The following LOC400499 variants were observed in gnomAD, a reference collection of about 807,000 sequenced individuals.
the LOC400499 span, among the ~76,000 whole-genome samples, chr16:11,382,671 G>A: frequency 0.02 from 3,058 of 152,248 alleles, 58 homozygotes; most frequent in Middle Eastern, 0.12. Flanking sequence ...GAGGCTGGGC[G>A]TGGTGGCTCC....
chr16:11,490,502 A>G, the LOC400499 span, among the ~76,000 whole-genome samples: 2 of 152,126 alleles, frequency 1.3e-5, no homozygotes, highest in Non-Finnish European at 2.9e-5. Flanking sequence ...GATTGAGACA[A>G]TCCTGGCTAA....
At chr16:11,446,931 C>T in the LOC400499 span, 41 of 1,525,770 alleles carry the variant, frequency 2.7e-5, no homozygotes, top group Non-Finnish European at 3.3e-5. Flanking sequence ...GAGGGAAAAA[C>T]AGGCCAAAGC....
the LOC400499 span, among the ~76,000 whole-genome samples, chr16:11,490,505 C>G: frequency 6.6e-6 from 1 of 151,916 alleles, no homozygotes; most frequent in Non-Finnish European, 1.5e-5. Flanking sequence ...TGAGACAATC[C>G]TGGCTAATGT....
At chr16:11,457,348 C>G in the LOC400499 span, among the ~76,000 whole-genome samples, 1 of 152,032 alleles carries the variant, frequency 6.6e-6, no homozygotes, top group African/African-American at 2.4e-5. Context: ...AATCCCAGCA[C>G]TTTGGGAGGC....
the LOC400499 span, among the ~76,000 whole-genome samples, chr16:11,491,463 G>C: frequency 1.3e-5 from 2 of 152,148 alleles, no homozygotes; most frequent in African/African-American, 2.4e-5. Context: ...GAGAGGAGAA[G>C]CAACTTCTCC....
the LOC400499 span, chr16:11,500,837 TGGGA>T: frequency 2.5e-6 from 1 of 399,074 alleles, no homozygotes; most frequent in Non-Finnish European, 4.4e-6. Flanking sequence ...CTGTGGGCTG[TGGGA>T]GGAAGGCCAG....
chr16:11,448,768 G>A, the LOC400499 span: 33 of 485,502 alleles, frequency 6.8e-5, no homozygotes, highest in African/African-American at 4.4e-4. Flanking sequence ...GAAAAGGAAA[G>A]AGAAAGAGAA....
the LOC400499 span, among the ~76,000 whole-genome samples, chr16:11,389,293 G>C: frequency 6.6e-6 from 1 of 152,212 alleles, no homozygotes; most frequent in Non-Finnish European, 1.5e-5. Flanking sequence ...CTAACGTATA[G>C]CTCAGGGGTG....
chr16:11,460,730 A>G, the LOC400499 span: 1 of 1,376,536 alleles, frequency 7.3e-7, no homozygotes, highest in Non-Finnish European at 9.6e-7. Flanking sequence ...GCTTTGCTCC[A>G]CCTGTCACTC....
chr16:11,476,903 G>C, the LOC400499 span: 1 of 399,218 alleles, frequency 2.5e-6, no homozygotes. Context: ...GCCTGCCCCA[G>C]GATGCCCGCT....
chr16:11,379,875 C>A, the LOC400499 span, among the ~76,000 whole-genome samples: 13,906 of 152,298 alleles, frequency 0.091, 823 homozygotes, highest in Middle Eastern at 0.19. Flanking sequence ...TTAGAGCAAT[C>A]CATTTTAAAC....
At chr16:11,502,916 C>CTTTTT in the LOC400499 span, among the ~76,000 whole-genome samples, 21 of 51,250 alleles carry the variant, frequency 4.1e-4, no homozygotes, top group African/African-American at 1.4e-3. Context: ...ACCTGGACCA[C>CTTTTT]CTTTTTTTTT....
chr16:11,409,217 C>T, the LOC400499 span, among the ~76,000 whole-genome samples: 1 of 151,786 alleles, frequency 6.6e-6, no homozygotes, highest in African/African-American at 2.4e-5. Context: ...GTCGAGATCA[C>T]GCCTCTGCAC....
chr16:11,385,109 A>G, the LOC400499 span: 1 of 1,231,886 alleles, frequency 8.1e-7, no homozygotes, highest in Non-Finnish European at 1.0e-6. Flanking sequence ...ACCCACAGCC[A>G]GGTGACAAGC....
At chr16:11,392,526 G>A in the LOC400499 span, 4 of 399,102 alleles carry the variant, frequency 1.0e-5, no homozygotes, top group Non-Finnish European at 1.8e-5. Flanking sequence ...GGACCTGCTG[G>A]TGCCCCCACC....
chr16:11,508,455 C>A, the LOC400499 span, among the ~76,000 whole-genome samples: 17 of 152,240 alleles, frequency 1.1e-4, no homozygotes, highest in African/African-American at 4.1e-4. Context: ...GTTGTGTGCT[C>A]GTAGACAGAC....
At chr16:11,418,479 G>T in the LOC400499 span, among the ~76,000 whole-genome samples, 1 of 152,176 alleles carries the variant, frequency 6.6e-6, no homozygotes, top group Non-Finnish European at 1.5e-5. Flanking sequence ...ACTCCCACCA[G>T]CACCATGACA....
chr16:11,378,409 G>A, the LOC400499 span, among the ~76,000 whole-genome samples: 2 of 151,942 alleles, frequency 1.3e-5, no homozygotes, highest in African/African-American at 4.8e-5. Context: ...GATTACAGGC[G>A]CCTGCCACCA....
the LOC400499 span, among the ~76,000 whole-genome samples, chr16:11,413,631 C>A: frequency 6.6e-6 from 1 of 152,160 alleles, no homozygotes; most frequent in Non-Finnish European, 1.5e-5. Flanking sequence ...TGCTAACTTG[C>A]TAGGTGACCT....
Sources: allele counts gnomAD v4.1 joint callset (sites outside exome capture counted in the v4.1 genomes callset), GRCh38; gene constraint gnomAD v4.1.1; transcripts MANE v1.5.